STK4: variants seen among roughly 807,000 people sequenced by gnomAD.
STK4 encodes the protein serine/threonine kinase 4, also known as serine/threonine-protein kinase 4.
Under a neutral mutation model 64.9 loss-of-function variants are expected in STK4, and 30 were observed. The observed-to-expected ratio is 0.46, with a 90% CI of 0.35 to 0.63. STK4 has a LOEUF of 0.63. Ranked by LOEUF, STK4 falls within the 20% of genes least tolerant of loss-of-function variation. STK4 has a pLI of 0.01. For synonymous variants in STK4, 177 were observed against 199.0 expected (o/e 0.89, Z 0.93); for missense variants, 466 against 598.5 (o/e 0.78, Z 2.31).
intron 10 of STK4, among the ~76,000 whole-genome samples, chr20:45,057,477 G>A (rs1450442256): frequency 6.6e-6 from 1 of 152,150 alleles, no homozygotes; most frequent in African/African-American, 2.4e-5. Flanking sequence ...AACTTACGTA[G>A]TTTTAAGTAA....
intron 9 of STK4, among the ~76,000 whole-genome samples, chr20:45,007,363 C>T (rs2067965379): frequency 6.6e-6 from 1 of 152,074 alleles, no homozygotes; most frequent in African/African-American, 2.4e-5. Flanking sequence ...CCAGCCTGGC[C>T]AATATGGTGA....
rs1257421387 is a variant in STK4 at position 45,031,019 on chromosome 20, A to AC, written c.1305+5893dup. 5.3e-5 allele frequency among the ~76,000 whole-genome samples: 8 copies of AC among 152,038 alleles called. No homozygotes were observed. In the East Asian group the frequency reaches 7.7e-4, roughly 15 times the overall value. On this transcript the variant is annotated intron_variant, in intron 10 of 10. Transcript: ENST00000372806. ...CGAGACCAGCCTGGCACATAGTGAG[A>AC]CCCCATCTCTATTACAAAAATAAAA...
In STK4 at chr20:44,981,228, C is replaced by T. The variant is rs557724336; in HGVS notation, c.246-601C>T. ...GGAGTGCAGTGGCGCGATTTCGGCT[C>T]GCTGCAACCTCTACCTCCTGGGTTC... is the stretch of plus-strand genomic sequence containing the variant. On this transcript the variant is annotated intron_variant, in intron 3 of 10. Transcript: ENST00000372806. Among the ~76,000 whole-genome samples, 306 of 152,140 alleles carry T rather than the reference C, an allele frequency of 2.0e-3. 1 individual carries two copies. Among genetic ancestry groups the T allele is most frequent in the African/African-American group, 6.8e-3 (282 of 41,482 alleles).
At chr20:45,045,475 C>G (rs2068679082) in intron 10 of STK4, among the ~76,000 whole-genome samples, 1 of 152,122 alleles carries the variant, frequency 6.6e-6, no homozygotes, top group Admixed American at 6.5e-5. Context: ...ATTAAATACC[C>G]AATGTTATAA....
chr20:45,007,043 TTTTG>T (rs145577732), intron 9 of STK4, among the ~76,000 whole-genome samples: 18 of 152,182 alleles, frequency 1.2e-4, no homozygotes, highest in South Asian at 2.1e-4. Context: ...ATGGGTTGTT[TTTTG>T]TTTGTTTGTT....
chr20:45,061,874 T>TCTTC (rs1157892665), intron 10 of STK4, among the ~76,000 whole-genome samples: 2 of 121,478 alleles, frequency 1.6e-5, no homozygotes, highest in African/African-American at 9.1e-5. Flanking sequence ...TTCTTCTTCT[T>TCTTC]TTTTTTTTTT....
rs1291367128 is a variant in STK4 at position 44,995,236 on chromosome 20, T to C, written c.672T>C (p.Tyr224=). The C allele has an allele frequency of 1.2e-6, 2 of 1,613,260 alleles. No homozygotes were observed. Among genetic ancestry groups the C allele is most frequent in the Non-Finnish European group, 1.7e-6 (2 of 1,179,616 alleles). The change falls in exon 6 of 11, where the codon TAT becomes TAC. Residue 224 remains tyrosine (Y), a synonymous_variant. Transcript: ENST00000372806. ...AAATGGCTGAAGGAAAGCCCCCTTA[T>C]GCTGATATCCATCCAATGAGGGTAA... ...AIEMAEGKPP[Y]ADIHPMRAIF...
At chr20:44,973,697 A>G (rs900569644) in intron 2 of STK4, among the ~76,000 whole-genome samples, 7 of 152,218 alleles carry the variant, frequency 4.6e-5, no homozygotes, top group African/African-American at 1.7e-4. Flanking sequence ...ACTGGTCATA[A>G]TAGACAAGTG....
intron 9 of STK4, 113 bp downstream of exon 9, chr20:45,001,466 C>T (rs2145698450): frequency 7.8e-7 from 1 of 1,286,806 alleles, no homozygotes; most frequent in South Asian, 2.0e-5. Context: ...TTTGTCACAA[C>T]CAAAGGAGTA....
chr20:45,059,481 C>T (rs181451476), intron 10 of STK4, among the ~76,000 whole-genome samples: 1 of 152,256 alleles, frequency 6.6e-6, no homozygotes, highest in East Asian at 1.9e-4. Context: ...ATTTGATAAC[C>T]AGGGTGACTA....
chr20:44,972,777 CCTT>C (rs2067271731), intron 2 of STK4: 1 of 151,996 alleles, frequency 6.6e-6, no homozygotes, highest in Non-Finnish European at 1.5e-5. Context: ...TGTATTTATT[CCTT>C]CTTCTGTAAT....
At chr20:45,034,784 G>T (rs912251645) in intron 10 of STK4, among the ~76,000 whole-genome samples, 1 of 152,096 alleles carries the variant, frequency 6.6e-6, no homozygotes, top group Non-Finnish European at 1.5e-5. Context: ...GGGCTTGGTG[G>T]TATATGCCTA....
At chr20:45,051,270 A>G (rs971536602) in intron 10 of STK4, among the ~76,000 whole-genome samples, 4 of 152,234 alleles carry the variant, frequency 2.6e-5, no homozygotes, top group African/African-American at 9.7e-5. Flanking sequence ...TTAGTGCTAG[A>G]CTGAAAGAAA....
intron 3 of STK4, among the ~76,000 whole-genome samples, chr20:44,978,946 G>A (rs1220245844): frequency 2.0e-5 from 3 of 151,910 alleles, no homozygotes; most frequent in Non-Finnish European, 2.9e-5. Context: ...CTACAGGCAT[G>A]TGCCACTACG....
chr20:44,989,438 A>G (rs1048276616), intron 5 of STK4, among the ~76,000 whole-genome samples: 1 of 152,226 alleles, frequency 6.6e-6, no homozygotes, highest in East Asian at 1.9e-4. Context: ...TCTTTTGCCC[A>G]TTTTTAATTG....
chr20:44,990,086 G>C (rs541511298), intron 5 of STK4, among the ~76,000 whole-genome samples: 1 of 152,142 alleles, frequency 6.6e-6, no homozygotes, highest in African/African-American at 2.4e-5. Flanking sequence ...AGAAAAGGCC[G>C]TTGGGATTTT....
At chr20:45,004,842 C>T (rs2067908526) in intron 9 of STK4, among the ~76,000 whole-genome samples, 1 of 149,232 alleles carries the variant, frequency 6.7e-6, no homozygotes, top group African/African-American at 2.5e-5. Flanking sequence ...GATCTTGGCT[C>T]ACTGCAACCT....
intron 10 of STK4, among the ~76,000 whole-genome samples, chr20:45,068,896 C>G (rs1235965733): frequency 6.6e-6 from 1 of 152,202 alleles, no homozygotes; most frequent in African/African-American, 2.4e-5. Flanking sequence ...AGTAACACAG[C>G]ATTTGTATCC....
At chr20:44,984,750 T>C (rs1346192064) in intron 4 of STK4, among the ~76,000 whole-genome samples, 2 of 152,112 alleles carry the variant, frequency 1.3e-5, no homozygotes, top group Non-Finnish European at 2.9e-5. Flanking sequence ...TGGATAAATA[T>C]GGTTAAGTAA....
Sources: allele counts gnomAD v4.1 joint callset (sites outside exome capture counted in the v4.1 genomes callset), GRCh38; gene constraint gnomAD v4.1.1; transcripts MANE v1.5; gene names NCBI Gene and HGNC (gene_info 2026-07-23, HGNC 2026-07-21).